The following PHF24 variants were observed in gnomAD, a reference collection of about 807,000 sequenced individuals.
PHF24 encodes the protein PHD finger protein 24.
Under a neutral mutation model 42.6 loss-of-function variants are expected in PHF24, and 25 were observed. That is an observed-to-expected ratio of 0.59 (90% CI 0.43 to 0.82). The LOEUF (loss-of-function observed/expected upper bound fraction) is 0.82, where lower values mean the gene tolerates loss of function less well. Among genes scored for constraint, PHF24 ranks in the 40% least tolerant of loss-of-function variants. PHF24 has a pLI of 0.00. For synonymous variants in PHF24, 185 were observed against 204.8 expected, an observed-to-expected ratio of 0.90 and a Z score of 0.83; for missense variants, 470 against 538.1, an observed-to-expected ratio of 0.87 and a Z score of 1.25.
At chr9:34,705,528 G>A in the PHF24 span, among the ~76,000 whole-genome samples, 8 of 152,244 alleles carry the variant, frequency 5.3e-5, no homozygotes, top group South Asian at 8.3e-4. Context: ...TGAAGTGAGC[G>A]TCTTGGCCTC....
chr9:34,845,851 T>C, the PHF24 span, among the ~76,000 whole-genome samples: 7 of 150,546 alleles, frequency 4.6e-5, no homozygotes, highest in Non-Finnish European at 7.4e-5. Flanking sequence ...TATGCGGTGT[T>C]TGGTTTTTTG....
chr9:34,932,741 T>A, the PHF24 span, among the ~76,000 whole-genome samples: 1 of 151,680 alleles, frequency 6.6e-6, no homozygotes, highest in Non-Finnish European at 1.5e-5. Context: ...TGTAAGTATA[T>A]ACTTAAGTAA....
the PHF24 span, among the ~76,000 whole-genome samples, chr9:34,793,320 C>A: frequency 3.9e-5 from 6 of 152,200 alleles, no homozygotes; most frequent in African/African-American, 1.2e-4. Context: ...GATACAATTT[C>A]TTTCTTTCAC....
the PHF24 span, among the ~76,000 whole-genome samples, chr9:34,711,494 A>C: frequency 6.6e-6 from 1 of 151,514 alleles, no homozygotes; most frequent in Admixed American, 6.6e-5. Context: ...TGGCCTCCCA[A>C]AGTAATGGGA....
At chr9:34,960,485 AT>A (rs1368280884) in intron 1 of PHF24, among the ~76,000 whole-genome samples, 1 of 152,200 alleles carries the variant, frequency 6.6e-6, no homozygotes, top group Non-Finnish European at 1.5e-5. Context: ...AAAGTTGTTT[AT>A]AATCCCCCTT....
chr9:34,708,725 A>G, the PHF24 span, among the ~76,000 whole-genome samples: 3 of 152,222 alleles, frequency 2.0e-5, no homozygotes, highest in Non-Finnish European at 2.9e-5. Flanking sequence ...GAGTTAGTGC[A>G]GGACAGAATC....
chr9:34,723,951 A>G, the PHF24 span: 3 of 1,551,210 alleles, frequency 1.9e-6, no homozygotes, highest in African/African-American at 1.4e-5. Flanking sequence ...CTCCATCGCC[A>G]GGACCCTCGG....
the PHF24 span, among the ~76,000 whole-genome samples, chr9:34,722,805 C>A: frequency 6.6e-6 from 1 of 152,314 alleles, no homozygotes; most frequent in Admixed American, 6.5e-5. Context: ...ATTAGCCACT[C>A]TCCTAGGCCC....
At chr9:34,969,563 C>G (rs1195625837) in intron 1 of PHF24, among the ~76,000 whole-genome samples, 1 of 151,798 alleles carries the variant, frequency 6.6e-6, no homozygotes, top group Non-Finnish European at 1.5e-5. Context: ...ATCACTTGAA[C>G]TCAGGAGGCA....
chr9:34,692,540 G>A, the PHF24 span, among the ~76,000 whole-genome samples: 3 of 152,108 alleles, frequency 2.0e-5, no homozygotes, highest in South Asian at 4.2e-4. Flanking sequence ...GGCACAGCAC[G>A]GGTAGTCACG....
At chr9:34,936,050 C>CCCCTCT in the PHF24 span, among the ~76,000 whole-genome samples, 3 of 150,710 alleles carry the variant, frequency 2.0e-5, no homozygotes, top group East Asian at 2.0e-4. Context: ...CCGCTCCCAC[C>CCCCTCT]CCCTCTCCCT....
the PHF24 span, among the ~76,000 whole-genome samples, chr9:34,832,135 C>T: frequency 0.082 from 12,523 of 152,128 alleles, 1,152 homozygotes; most frequent in African/African-American, 0.23. Context: ...ATATAGAGTG[C>T]ATTTCTAGTG....
At chr9:34,742,528 GA>G in the PHF24 span, among the ~76,000 whole-genome samples, 31 of 152,142 alleles carry the variant, frequency 2.0e-4, no homozygotes, top group South Asian at 6.2e-4. Flanking sequence ...CACCATCACA[GA>G]AAAAAAGCAA....
the PHF24 span, among the ~76,000 whole-genome samples, chr9:34,677,389 G>GTTTTTTTTTTTTTTTTTTTTTTTTT: frequency 5.1e-4 from 41 of 79,764 alleles, 1 homozygote; most frequent in South Asian, 1.2e-3. Flanking sequence ...TTTGTAAACT[G>GTTTTTTTTTTTTTTTTTTTTTTTTT]TTTTTTTTTT....
the PHF24 span, among the ~76,000 whole-genome samples, chr9:34,836,762 A>G: frequency 6.6e-6 from 1 of 152,234 alleles, no homozygotes; most frequent in African/African-American, 2.4e-5. Flanking sequence ...TGCAAAATCC[A>G]TTCTCTTGAC....
the PHF24 span, among the ~76,000 whole-genome samples, chr9:34,828,747 A>G: frequency 2.1e-4 from 32 of 152,182 alleles, no homozygotes; most frequent in African/African-American, 7.2e-4. Flanking sequence ...TCAGTACACC[A>G]CACTCTTCTG....
chr9:34,917,429 T>C, the PHF24 span: 513 of 768,610 alleles, frequency 6.7e-4, no homozygotes, highest in Non-Finnish European at 1.1e-3. Flanking sequence ...TGCTGCTATG[T>C]TTAAGGACCC....
chr9:34,955,137 G>T (rs1343430591), upstream of PHF24, among the ~76,000 whole-genome samples: 1 of 152,168 alleles, frequency 6.6e-6, no homozygotes, highest in African/African-American at 2.4e-5. Flanking sequence ...CTCTCATAAA[G>T]TGCAAGGATT....
At chr9:34,722,984 A>G in the PHF24 span, 3 of 474,132 alleles carry the variant, frequency 6.3e-6, no homozygotes, top group Non-Finnish European at 1.1e-5. Flanking sequence ...GACAGGAAGG[A>G]CTTTTTAGCC....
Sources: allele counts gnomAD v4.1 joint callset (sites outside exome capture counted in the v4.1 genomes callset), GRCh38; gene constraint gnomAD v4.1.1; transcripts MANE v1.5; gene names NCBI Gene and HGNC (gene_info 2026-07-23, HGNC 2026-07-21).